GABBR2: variants seen among roughly 807,000 people sequenced by gnomAD.
The protein encoded by GABBR2 is G-protein coupled receptor 51.
A neutral mutation model predicts 105.6 loss-of-function variants in GABBR2; 23 were observed. The observed-to-expected ratio is 0.22, with a 90% CI of 0.16 to 0.31. The LOEUF (loss-of-function observed/expected upper bound fraction) is 0.31, where lower values mean the gene tolerates loss of function less well. Among genes scored for constraint, GABBR2 ranks in the 10% least tolerant of loss-of-function variants. The pLI is 1.00. For missense variants in GABBR2, 734 were observed against 1,245.5 expected (o/e 0.59, Z 6.18); for synonymous variants, 478 against 499.7 (o/e 0.96, Z 0.58).
At chr9:98,474,796 C>T (rs1283567761) in intron 5 of GABBR2, among the ~76,000 whole-genome samples, 1 of 152,110 alleles carries the variant, frequency 6.6e-6, no homozygotes, top group South Asian at 2.1e-4. Flanking sequence ...CCAGAGCTCC[C>T]AACAACTCCT....
At chr9:98,639,861 G>A (rs1344492060) in intron 1 of GABBR2, among the ~76,000 whole-genome samples, 1 of 151,944 alleles carries the variant, frequency 6.6e-6, no homozygotes, top group African/African-American at 2.4e-5. Flanking sequence ...TGCCCTGCCC[G>A]GCCTGGGAGA....
At chr9:98,327,440 C>T (rs960650577) in intron 13 of GABBR2, among the ~76,000 whole-genome samples, 1 of 151,938 alleles carries the variant, frequency 6.6e-6, no homozygotes, top group Non-Finnish European at 1.5e-5. Flanking sequence ...TATAAATATG[C>T]TATATATTTT....
At chr9:98,616,399 CA>C in intron 1 of GABBR2, among the ~76,000 whole-genome samples, 1 of 152,322 alleles carries the variant, frequency 6.6e-6, no homozygotes, top group East Asian at 1.9e-4. Context: ...GTACACAACA[CA>C]AGTGCAGCTA....
Position 98,492,349 on chromosome 9 carries a change from T to TTAAAAAAAAAAAAAAAAAA in GABBR2, c.732+4063_732+4064insTTTTTTTTTTTTTTTTTTA, listed in dbSNP as rs752135873. Reference sequence around the variant, plus strand: ...GAGCCCGCTTAAGTTTGTTTCCTAGTAAAAAAAAAAAAAAAAAAAAAAAAA... The same window carrying TTAAAAAAAAAAAAAAAAAA: ...GAGCCCGCTTAAGTTTGTTTCCTAGTTAAAAAAAAAAAAAAAAAAAAAAAAAAAAAAAAAAAAAAAAAAA... On this transcript the variant is annotated intron_variant, in intron 4 of 18. Coordinates refer to ENST00000259455, the MANE Select transcript of GABBR2 (RefSeq NM_005458.8). Among the ~76,000 whole-genome samples the TTAAAAAAAAAAAAAAAAAA allele has an allele frequency of 3.4e-4, 10 of 29,220 alleles. 1 individual carries two copies. Among genetic ancestry groups the TTAAAAAAAAAAAAAAAAAA allele is most frequent in the Non-Finnish European group, 7.7e-4 (9 of 11,652 alleles). The allele number at this position is 29,220 out of a possible 152,430, so 19.2% of individuals were successfully genotyped here.
In GABBR2 at chr9:98,464,333, G is replaced by A. The variant is rs1826496856; in HGVS notation, c.999+8813C>T. 3.4e-5 allele frequency among the ~76,000 whole-genome samples: 5 copies of A among 147,904 alleles called. No individual in the cohort carries two copies. In the South Asian group the frequency reaches 1.1e-3, roughly 32 times the overall value. On this transcript the variant is annotated intron_variant, in intron 6 of 18. Coordinates refer to ENST00000259455, the MANE Select transcript of GABBR2 (RefSeq NM_005458.8). ...TACCTCAGCCCAGCTGCCCCGAATG[G>A]GAAGTGAGGAGCGCCTCTGCCTGGC...
chr9:98,547,250 T>TA lies in GABBR2; in HGVS notation c.460-5208dup, dbSNP rs567256306. 4.0e-3 allele frequency among the ~76,000 whole-genome samples: 453 copies of TA among 114,506 alleles called. 64 individuals carry two copies. Among genetic ancestry groups the TA allele is most frequent in the African/African-American group, 0.011 (413 of 36,424 alleles). The allele number at this position is 114,506 out of a possible 152,430, so 75.1% of individuals were successfully genotyped here. A position where few individuals can be genotyped will look rare whatever the true frequency, so the allele number is the denominator to read the frequency against. On this transcript the variant is annotated intron_variant, in intron 2 of 18. Transcript: ENST00000259455. ...ATACACTCAAGTATTTCCAACTCAGTAAAAAAAAACCTAATATATATATAT... is the reference window on the plus strand; with the variant it reads ...ATACACTCAAGTATTTCCAACTCAGTAAAAAAAAAACCTAATATATATATAT...
intron 3 of GABBR2, among the ~76,000 whole-genome samples, chr9:98,501,524 C>T (rs1300052486): frequency 1.3e-5 from 2 of 152,174 alleles, no homozygotes; most frequent in African/African-American, 4.8e-5. Context: ...CCCTCTCTGT[C>T]GTCCATCTCA....
chr9:98,384,519 G>A (rs1166096802), intron 11 of GABBR2, among the ~76,000 whole-genome samples: 1 of 152,120 alleles, frequency 6.6e-6, no homozygotes, highest in African/African-American at 2.4e-5. Context: ...GAACCCAGGA[G>A]GCGGAGGTTG....
At chr9:98,294,899 G>A (rs1588085054) in intron 17 of GABBR2, among the ~76,000 whole-genome samples, 1 of 152,316 alleles carries the variant, frequency 6.6e-6, no homozygotes, top group East Asian at 1.9e-4. Flanking sequence ...CACAAAATAT[G>A]TGATTCAAAT....
chr9:98,497,905 A>AGG (rs1827316166), intron 3 of GABBR2, among the ~76,000 whole-genome samples: 1 of 152,256 alleles, frequency 6.6e-6, no homozygotes, highest in African/African-American at 2.4e-5. Context: ...AATTGGAAGC[A>AGG]GGGACTTGAC....
chr9:98,525,245 T>C lies in GABBR2; in HGVS notation c.630+16628A>G, dbSNP rs778123825. Among the ~76,000 whole-genome samples the C allele has an allele frequency of 5.3e-5, 8 of 152,352 alleles. No individual in the cohort carries two copies. In the South Asian group the frequency reaches 1.4e-3, roughly 28 times the overall value. On this transcript the variant is annotated intron_variant, in intron 3 of 18. Coordinates refer to ENST00000259455, the MANE Select transcript of GABBR2 (RefSeq NM_005458.8). ...AACCCTTAGAATGGGAGAAAATATT[T>C]GCAAGTCACCTATCTGATATGATCT...
At chr9:98,439,666 C>A (rs1331030713) in intron 7 of GABBR2, among the ~76,000 whole-genome samples, 1 of 152,088 alleles carries the variant, frequency 6.6e-6, no homozygotes, top group African/African-American at 2.4e-5. Context: ...ATATGAATGT[C>A]AGAATGTGAA....
chr9:98,545,202 G>A (rs1481956661), intron 2 of GABBR2, among the ~76,000 whole-genome samples: 1 of 152,134 alleles, frequency 6.6e-6, no homozygotes, highest in African/African-American at 2.4e-5. Context: ...GGTAATTACC[G>A]TGGTTACTGT....
intron 8 of GABBR2, among the ~76,000 whole-genome samples, chr9:98,405,433 CA>C (rs542306206): frequency 7.9e-5 from 12 of 152,090 alleles, no homozygotes; most frequent in Non-Finnish European, 1.3e-4. Context: ...CCTTTCTCTA[CA>C]AAAAACACCC....
chr9:98,411,672 C>T (rs1319133847), intron 7 of GABBR2, among the ~76,000 whole-genome samples: 1 of 152,056 alleles, frequency 6.6e-6, no homozygotes, highest in Admixed American at 6.6e-5. Flanking sequence ...AGTGATCCTT[C>T]CACCTCAGCC....
chr9:98,499,214 T>G (rs1366645663), intron 3 of GABBR2, among the ~76,000 whole-genome samples: 1 of 152,266 alleles, frequency 6.6e-6, no homozygotes, highest in Non-Finnish European at 1.5e-5. Flanking sequence ...GGTATCCACA[T>G]GTGTGTATTA....
chr9:98,434,912 G>A (rs1825874393), intron 7 of GABBR2, among the ~76,000 whole-genome samples: 1 of 152,186 alleles, frequency 6.6e-6, no homozygotes, highest in Admixed American at 6.5e-5. Context: ...TGGGTCTTGA[G>A]GTCACACTGT....
chr9:98,380,674 C>T (rs939417525), intron 11 of GABBR2, among the ~76,000 whole-genome samples: 2 of 152,190 alleles, frequency 1.3e-5, no homozygotes, highest in Admixed American at 6.5e-5. Flanking sequence ...CTTGGAGAAA[C>T]CGGCACTGAC....
chr9:98,493,471 C>A (rs1827217802), intron 4 of GABBR2, among the ~76,000 whole-genome samples: 1 of 152,194 alleles, frequency 6.6e-6, no homozygotes, highest in Non-Finnish European at 1.5e-5. Context: ...GTATCCACAA[C>A]TGTTATCCTT....
Sources: allele counts gnomAD v4.1 joint callset (sites outside exome capture counted in the v4.1 genomes callset), GRCh38; gene constraint gnomAD v4.1.1; transcripts MANE v1.5; gene names NCBI Gene and HGNC (gene_info 2026-07-23, HGNC 2026-07-21).